The following ZNF726 variants were observed in gnomAD, a reference collection of about 807,000 sequenced individuals.
ZNF726 encodes zinc finger protein 726, also known as zinc finger protein 92 pseudogene 3.
In ZNF726, 15 loss-of-function variants were observed where a neutral mutation model predicts 11.6. That is an observed-to-expected ratio of 1.29 (90% CI 0.86 to 1.99). The LOEUF is 1.99. Among genes scored for constraint, ZNF726 ranks in the 30% most tolerant of loss-of-function variants. The pLI is 0.00. For missense variants in ZNF726, 890 were observed against 725.6 expected (o/e 1.23, Z -2.60); for synonymous variants, 295 against 243.6 (o/e 1.21, Z -1.96).
At chr19:23,936,533 C>A (rs1391259350), downstream of ZNF726, among the ~76,000 whole-genome samples, 2 of 151,892 alleles carry the variant, frequency 1.3e-5, no homozygotes, top group Non-Finnish European at 2.9e-5. Flanking sequence ...ATGAGAGATT[C>A]TTTTTTATTA....
At chr19:23,938,572 T>C (rs1209816536), downstream of ZNF726, among the ~76,000 whole-genome samples, 1 of 152,016 alleles carries the variant, frequency 6.6e-6, no homozygotes, top group African/African-American at 2.4e-5. Context: ...ACCATAATTT[T>C]GTTTGTTCGT....
At chr19:23,925,474 G>A (rs1190185431) in intron 3 of ZNF726, among the ~76,000 whole-genome samples, 1 of 152,038 alleles carries the variant, frequency 6.6e-6, no homozygotes, top group African/African-American at 2.4e-5. Context: ...TTACAGGCTT[G>A]AGCCACCACG....
At chr19:23,919,290 ACT>A in intron 1 of ZNF726, 81 bp from the exon 2 acceptor site, 1 of 1,564,408 alleles carries the variant, frequency 6.4e-7, no homozygotes, top group Non-Finnish European at 8.7e-7. Context: ...AATTCTATTC[ACT>A]TTCTGATTTT....
rs781176342 is a variant in ZNF726 at position 23,933,962 on chromosome 19, A to C, written c.1846A>C (p.Thr616Pro). 3.8e-6 allele frequency: 6 copies of C among 1,576,536 alleles called. No homozygotes were observed. In the Admixed American group the frequency reaches 9.3e-5, roughly 24 times the overall value. ...CCTTTTTAAGCATAAGAGGATTCAT[A>C]CTTGAGAGAAACCTTAAAAAGGGTA... ...STLFKHKRIHT is the reference protein window; with the variant it reads ...STLFKHKRIHP The change falls in exon 4 of 4, where the codon ACT (threonine) becomes CCT (proline). Residue 616 changes from threonine (T) to proline (P), a missense_variant. Physicochemically the swap from Thr to Pro is conservative, Grantham distance 38. Coordinates refer to ENST00000594466, the MANE Select transcript of ZNF726 (RefSeq NM_001244038.2).
rs1314503975 is a variant in ZNF726, at chr19:23,933,709, C to T, written c.1593C>T (p.His531=). Residue 531 remains histidine (H), a synonymous_variant, in exon 4 of 4, where the codon CAC becomes CAT. Transcript: ENST00000594466. ...SSTLSKHKRI[H]TGEKPYKCEE... ...CCCTATCTAAACATAAGAGGATTCA[C>T]ACTGGAGAGAAACCCTACAAATGTG... 6.2e-7 allele frequency: 1 copy of T among 1,611,262 alleles called. No homozygotes were observed. Among genetic ancestry groups the T allele is most frequent in the Non-Finnish European group, 8.5e-7 (1 of 1,179,728 alleles).
chr19:23,922,749 A>G (rs999705859), intron 3 of ZNF726, among the ~76,000 whole-genome samples: 1 of 152,130 alleles, frequency 6.6e-6, no homozygotes, highest in Non-Finnish European at 1.5e-5. Flanking sequence ...AGGTCTTGCT[A>G]CATAATCCAG....
intron 4 of ZNF726, chr19:23,944,140 A>G (rs1568385105): frequency 6.6e-6 from 1 of 152,058 alleles, no homozygotes; most frequent in East Asian, 1.9e-4. Context: ...CACTTTTTTT[A>G]TATACCTATT....
chr19:23,915,466 C>A (rs62114215), intron 1 of ZNF726, among the ~76,000 whole-genome samples: 2 of 152,074 alleles, frequency 1.3e-5, no homozygotes, highest in African/African-American at 4.8e-5. Context: ...GCTGTGGTTT[C>A]TAATTTGTAT....
intron 3 of ZNF726, chr19:23,920,711 C>T (rs1219554443): frequency 6.6e-6 from 1 of 152,034 alleles, no homozygotes; most frequent in Non-Finnish European, 1.5e-5. Flanking sequence ...CCGTGCCTGG[C>T]CTCTCTTTTT....
rs143519254 is a variant in ZNF726 at position 23,915,284 on chromosome 19, G to T, written c.3+287G>T. Among the ~76,000 whole-genome samples the T allele has an allele frequency of 3.9e-5, 6 of 152,268 alleles. No homozygotes were observed. The East Asian group carries it at 1.2e-3, about 30-fold the overall frequency. ...CCGCGTCTCTCCCAGATTGTGCAGGGACCATGGGAGGAACGTCAGGGCAGA... is the reference window on the plus strand; with the variant it reads ...CCGCGTCTCTCCCAGATTGTGCAGGTACCATGGGAGGAACGTCAGGGCAGA... On this transcript the variant is annotated intron_variant, in intron 1 of 3. Transcript: ENST00000594466.
intron 4 of ZNF726, chr19:23,944,219 A>G (rs549159579): frequency 1.3e-5 from 2 of 152,016 alleles, no homozygotes; most frequent in Non-Finnish European, 2.9e-5. Flanking sequence ...TTGGGTTTTT[A>G]TTGTTATACT....
intron 3 of ZNF726, among the ~76,000 whole-genome samples, chr19:23,926,848 A>C (rs10424416): frequency 0.35 from 53,511 of 151,302 alleles, 9,697 homozygotes; most frequent in Middle Eastern, 0.45. Flanking sequence ...GTTATTGTTG[A>C]TTTTAATGTG....
chr19:23,942,594 C>G (rs117295087), intron 3 of ZNF726, among the ~76,000 whole-genome samples: 1 of 152,046 alleles, frequency 6.6e-6, no homozygotes, highest in Non-Finnish European at 1.5e-5. Flanking sequence ...TGATGTCTAT[C>G]TCATTTCTTA....
Position 23,933,264 on chromosome 19 carries a change from C to T in ZNF726, c.1148C>T (p.Thr383Ile). 1.2e-6 allele frequency: 2 copies of T among 1,612,246 alleles called. No individual in the cohort carries two copies. Among genetic ancestry groups the T allele is most frequent in the Non-Finnish European group, 1.7e-6 (2 of 1,179,770 alleles). The change falls in exon 4 of 4, where the codon ACC becomes ATC. Residue 383 changes from threonine (T) to isoleucine (I), a missense_variant. Transcript: ENST00000594466. The part of the protein sequence containing the change: ...ECGKAFIWPS[T>I]LTKHKRIHTG... ...GGCAAAGCATTTATATGGCCCTCAA[C>T]CCTAACTAAACATAAGAGGATTCAC...
chr19:23,918,534 TG>T (rs759187349), intron 1 of ZNF726, among the ~76,000 whole-genome samples: 66 of 152,308 alleles, frequency 4.3e-4, no homozygotes, highest in South Asian at 1.0e-3. Context: ...TTTGCTTTAG[TG>T]GGGGTAATAC....
chr19:23,927,331 T>C (rs1446354259), intron 3 of ZNF726, among the ~76,000 whole-genome samples: 2 of 152,230 alleles, frequency 1.3e-5, no homozygotes, highest in East Asian at 3.8e-4. Flanking sequence ...AATTAATGTT[T>C]TTTTATTCCT....
At chr19:23,925,703 T>G (rs1319582840) in intron 3 of ZNF726, among the ~76,000 whole-genome samples, 1 of 149,172 alleles carries the variant, frequency 6.7e-6, no homozygotes, top group East Asian at 1.9e-4. Context: ...GATTGTTCAG[T>G]TTTTCTTTTC....
chr19:23,923,538 A>C (rs1967907481), intron 3 of ZNF726: 2 of 251,892 alleles, frequency 7.9e-6, no homozygotes, highest in East Asian at 1.5e-4. Context: ...CAGCCTCCTG[A>C]GTAGCTGGGA....
At chr19:23,939,274 T>C (rs1968299000), downstream of ZNF726, among the ~76,000 whole-genome samples, 1 of 152,194 alleles carries the variant, frequency 6.6e-6, no homozygotes, top group South Asian at 2.1e-4. Context: ...TCCAATATCA[T>C]CCAGGTCATT....
Sources: allele counts gnomAD v4.1 joint callset (sites outside exome capture counted in the v4.1 genomes callset), GRCh38; gene constraint gnomAD v4.1.1; transcripts MANE v1.5; gene names NCBI Gene and HGNC (gene_info 2026-07-23, HGNC 2026-07-21).